PHOX2A: variants seen among roughly 807,000 people sequenced by gnomAD.
PHOX2A encodes paired like homeobox 2A, also known as paired mesoderm homeobox protein 2A.
PHOX2A carries 10 observed loss-of-function variants against 16.4 expected under a neutral mutation model. The ratio of observed to expected loss-of-function variants is 0.61; its 90% CI spans 0.38 to 1.04. The LOEUF is 1.04. PHOX2A is among the 50% of genes least tolerant of loss of function. The pLI is 0.01. For synonymous variants in PHOX2A, 219 were observed against 203.8 expected, an observed-to-expected ratio of 1.07 and a Z score of -0.64; for missense variants, 361 against 419.4, an observed-to-expected ratio of 0.86 and a Z score of 1.22.
At chr11:72,240,719 G>C (rs1949110540) in intron 2 of PHOX2A, among the ~76,000 whole-genome samples, 1 of 152,166 alleles carries the variant, frequency 6.6e-6, no homozygotes, top group African/African-American at 2.4e-5. Context: ...CCCGGGCTCC[G>C]GGTTTTCAAA....
intron 1 of PHOX2A, among the ~76,000 whole-genome samples, chr11:72,243,041 G>C (rs542296828): frequency 6.6e-6 from 1 of 152,296 alleles, no homozygotes; most frequent in African/African-American, 2.4e-5. Flanking sequence ...CATAGGGCAG[G>C]CTGGGACTCT....
intron 1 of PHOX2A, among the ~76,000 whole-genome samples, chr11:72,242,994 C>T (rs1431185571): frequency 6.6e-6 from 1 of 152,110 alleles, no homozygotes. Context: ...TACTTGGGTC[C>T]CCGGCAGTCT....
At position 72,241,088 on chromosome 11, in the gene PHOX2A, G is replaced by A; in HGVS notation, c.405+14C>T. 1.2e-6 allele frequency: 2 copies of A among 1,612,882 alleles called. No homozygotes were observed. The highest frequency in any genetic ancestry group is 1.7e-6 in the Non-Finnish European group (2 of 1,179,320). On this transcript the variant is annotated intron_variant, in intron 2 of 2. Transcript: ENST00000298231. ...TCCATGCGCACTCTCGTACACACAC[G>A]TGCATACACGCACCTGCACGCGAGC...
intron 1 of PHOX2A, 32 bp from the exon 2 acceptor site, chr11:72,241,321 G>GGA (rs1555080211): frequency 2.1e-6 from 2 of 951,342 alleles, no homozygotes; most frequent in South Asian, 1.6e-5. Flanking sequence ...CCGGGGGGGG[G>GGA]GCAAAAAGGA....
rs755219214 is a variant in PHOX2A at position 72,243,915 on chromosome 11, G to C, written c.90C>G (p.Pro30=). 31 of 1,301,488 alleles carry C rather than the reference G, an allele frequency of 2.4e-5. No homozygotes were observed. Among genetic ancestry groups the C allele is most frequent in the East Asian group, 3.0e-5 (1 of 33,840 alleles). The allele number at this position is 1,301,488 out of a possible 1,614,324, so 80.6% of individuals were successfully genotyped here. ...GCAGGGGGCTGTATTGGAAGCCGCC[G>C]GGCTGGCTGCAGGCGCCAAAGTCGC... ...AYGDFGACSQ[P]GGFQYSPLRP... The change falls in exon 1 of 3, where the codon CCC becomes CCG. Residue 30 remains proline, a synonymous_variant. Coordinates refer to ENST00000298231, the MANE Select transcript of PHOX2A (RefSeq NM_005169.4).
Position 72,239,576 on chromosome 11 carries a change from A to T in PHOX2A, c.*173T>A, listed in dbSNP as rs886926106. ...CTGGTAGAGGGTGGGTGAGGACGAG[A>T]GTGGCCCTGACTTGGTCTCCAAAGT... On this transcript the variant is annotated 3_prime_UTR_variant, in exon 3 of 3. Coordinates refer to ENST00000298231, the MANE Select transcript of PHOX2A (RefSeq NM_005169.4). The T allele has an allele frequency of 6.9e-6, 3 of 435,370 alleles. No homozygotes were observed. Among genetic ancestry groups the T allele is most frequent in the Non-Finnish European group, 1.2e-5 (3 of 253,342 alleles). 27.0% of individuals were successfully genotyped at this position (435,370 alleles called of 1,614,324 possible).
At chr11:72,242,667 T>C (rs887289106) in intron 1 of PHOX2A, among the ~76,000 whole-genome samples, 39 of 151,866 alleles carry the variant, frequency 2.6e-4, no homozygotes, top group East Asian at 9.7e-4. Flanking sequence ...TCTTCTTCTT[T>C]TTTTTTTGAG....
chr11:72,241,378 G>A, intron 1 of PHOX2A, 89 bp from the exon 2 acceptor site: 1 of 782,986 alleles, frequency 1.3e-6, no homozygotes, highest in African/African-American at 1.7e-5. Flanking sequence ...CAGCTCCGGG[G>A]GAATCACACG....
chr11:72,239,724 GCTCGGAGC>G lies in PHOX2A; in HGVS notation c.*17_*24del. The G allele has an allele frequency of 7.7e-7, 1 of 1,303,742 alleles. No individual in the cohort carries two copies. The highest frequency in any genetic ancestry group is 9.8e-7 in the Non-Finnish European group (1 of 1,018,102). The allele number at this position is 1,303,742 out of a possible 1,614,324, so 80.8% of individuals were successfully genotyped here. A position where few individuals can be genotyped will look rare whatever the true frequency, so the allele number is the denominator to read the frequency against. On this transcript the variant is annotated 3_prime_UTR_variant, in exon 3 of 3. Coordinates refer to ENST00000298231, the MANE Select transcript of PHOX2A (RefSeq NM_005169.4). ...GGGGCAGGGACGTCTCTGGGGGCAG[GCTCGGAGC>G]CTCCAGAGGCCGGCAGCTAGAAGAG...
chr11:72,239,795 G>A lies in PHOX2A; in HGVS notation c.809C>T (p.Ser270Phe). 7.4e-7 allele frequency: 1 copy of A among 1,345,938 alleles called. No homozygotes were observed. The highest frequency in any genetic ancestry group is 9.6e-7 in the Non-Finnish European group (1 of 1,039,744). The allele number at this position is 1,345,938 out of a possible 1,614,324, so 83.4% of individuals were successfully genotyped here. A position where few individuals can be genotyped will look rare whatever the true frequency, so the allele number is the denominator to read the frequency against. The change falls in exon 3 of 3, where the codon TCC becomes TTC. Residue 270 changes from serine (S) to phenylalanine (F), a missense_variant. Physicochemically the swap from Ser to Phe is radical, Grantham distance 155. Coordinates refer to ENST00000298231, the MANE Select transcript of PHOX2A (RefSeq NM_005169.4). ...GPGPFSGVLS[S>F]FHRKPGPALK... ...GGCGGGGCCGGGCTTCCGGTGAAAG[G>A]AGGACAGAACCCCGGAGAAGGGCCC... is the stretch of plus-strand genomic sequence containing the variant.
At position 72,243,819 on chromosome 11, in the gene PHOX2A, T is replaced by C. The variant is rs896595667; in HGVS notation, c.186A>G (p.Leu62=). ...AGTAGGGCGCGGGCTGGTGGTCGCGTAGGGCGCCAAGTGCGCAGTTGGAGG... is the reference window on the plus strand; with the variant it reads ...AGTAGGGCGCGGGCTGGTGGTCGCGCAGGGCGCCAAGTGCGCAGTTGGAGG... ...LGSSNCALGA[L]RDHQPAPYSA... The change falls in exon 1 of 3, where the codon CTA becomes CTG. Residue 62 remains leucine (L), a synonymous_variant. Transcript: ENST00000298231. 2 of 1,249,766 alleles carry C rather than the reference T, an allele frequency of 1.6e-6. No homozygotes were observed. Among genetic ancestry groups the C allele is most frequent in the Admixed American group, 4.2e-5 (1 of 23,806 alleles). The allele number at this position is 1,249,766 out of a possible 1,614,324, so 77.4% of individuals were successfully genotyped here.
chr11:72,240,728 A>G (rs1387291907), intron 2 of PHOX2A, among the ~76,000 whole-genome samples: 1 of 152,102 alleles, frequency 6.6e-6, no homozygotes. Flanking sequence ...CGGGTTTTCA[A>G]AGCTGCAGCG....
At chr11:72,242,691 C>T (rs1949131523) in intron 1 of PHOX2A, among the ~76,000 whole-genome samples, 1 of 151,986 alleles carries the variant, frequency 6.6e-6, no homozygotes, top group South Asian at 2.1e-4. Flanking sequence ...GAGTCTCATT[C>T]TGTCACCCAG....
chr11:72,242,476 C>G (rs948058957), intron 1 of PHOX2A, among the ~76,000 whole-genome samples: 4 of 152,124 alleles, frequency 2.6e-5, no homozygotes, highest in Admixed American at 1.3e-4. Context: ...TACCTTATCC[C>G]CATCTCTCTG....
At position 72,239,122 on chromosome 11, in the gene PHOX2A, T is replaced by C. The variant is rs2093278608; in HGVS notation, c.*627A>G. 1 of 152,128 alleles carries C rather than the reference T, an allele frequency of 6.6e-6. No individual in the cohort carries two copies. Among genetic ancestry groups the C allele is most frequent in the South Asian group, 2.1e-4 (1 of 4,836 alleles). The allele number at this position is 152,128 out of a possible 1,614,324, so 9.4% of individuals were successfully genotyped here. On this transcript the variant is annotated 3_prime_UTR_variant, in exon 3 of 3. Transcript: ENST00000298231. ...TTATTTGGATTGAGTAAAACTTCAA[T>C]AAATTACAAGTTTTTCAAAGAAAAA...
intron 1 of PHOX2A, among the ~76,000 whole-genome samples, chr11:72,241,498 G>A (rs1158341349): frequency 2.0e-5 from 3 of 152,004 alleles, no homozygotes; most frequent in Non-Finnish European, 4.4e-5. Flanking sequence ...GGAGATCAGG[G>A]AGACCTGAGC....
At chr11:72,242,498 C>T (rs1425230207) in intron 1 of PHOX2A, among the ~76,000 whole-genome samples, 2 of 152,130 alleles carry the variant, frequency 1.3e-5, no homozygotes, top group African/African-American at 4.8e-5. Context: ...TCTCAAAACC[C>T]TGTATCTCTG....
At chr11:72,242,639 G>A (rs1386396890) in intron 1 of PHOX2A, among the ~76,000 whole-genome samples, 1 of 151,496 alleles carries the variant, frequency 6.6e-6, no homozygotes, top group African/African-American at 2.4e-5. Context: ...CCAGCCTAGG[G>A]CCCAGTCTTC....
At chr11:72,243,451 T>G (rs1052349632) in intron 1 of PHOX2A, among the ~76,000 whole-genome samples, 16 of 152,094 alleles carry the variant, frequency 1.1e-4, no homozygotes, top group African/African-American at 3.9e-4. Flanking sequence ...GGAGCCTTTT[T>G]CAAAGATCCA....
Sources: allele counts gnomAD v4.1 joint callset (sites outside exome capture counted in the v4.1 genomes callset), GRCh38; gene constraint gnomAD v4.1.1; transcripts MANE v1.5; gene names NCBI Gene and HGNC (gene_info 2026-07-23, HGNC 2026-07-21).